Variants in TLE2 observed in about 807,000 individuals in gnomAD.
The protein encoded by TLE2 is TLE family member 2, transcriptional corepressor, also known as transducin-like enhancer protein 2.
TLE2 carries 74 observed loss-of-function variants against 97.2 expected under a neutral mutation model. That is an observed-to-expected ratio of 0.76 (90% CI 0.63 to 0.92). TLE2 has a LOEUF of 0.92. Ranked by LOEUF, TLE2 falls within the 40% of genes least tolerant of loss-of-function variation. The pLI is 0.00. For missense variants in TLE2, 1,038 were observed against 1,008.7 expected, an observed-to-expected ratio of 1.03 and a Z score of -0.39; for synonymous variants, 499 against 432.1, an observed-to-expected ratio of 1.15 and a Z score of -1.92.
At chr19:2,998,279 T>A (rs1351880402) in intron 19 of TLE2, among the ~76,000 whole-genome samples, 2 of 24,850 alleles carry the variant, frequency 8.0e-5, no homozygotes, top group African/African-American at 2.0e-4. Flanking sequence ...GTGTGTGTAA[T>A]TTTTTTTTTT....
rs1018675992 is a variant in TLE2 at position 3,015,633 on chromosome 19, C to T, written c.678+20G>A. On this transcript the variant is annotated intron_variant, in intron 9 of 19. Transcript: ENST00000262953. ...TGGGCCATGCACGCCCATCCCAGTCCTGCACCTGCCCCCACTCACATAAGG... is the reference window on the plus strand; with the variant it reads ...TGGGCCATGCACGCCCATCCCAGTCTTGCACCTGCCCCCACTCACATAAGG... 6.3e-7 allele frequency: 1 copy of T among 1,581,320 alleles called. No homozygotes were observed. The highest frequency in any genetic ancestry group is 1.1e-5 in the South Asian group (1 of 87,506).
chr19:3,029,628 T>TG, upstream of TLE2: 1 of 235,486 alleles, frequency 4.2e-6, no homozygotes, highest in Non-Finnish European at 6.8e-6. Context: ...CAAGTGACAT[T>TG]GGGTTGAGAT....
At chr19:3,037,210 G>C (rs2090069387) in intron 1 of TLE2, among the ~76,000 whole-genome samples, 3 of 152,158 alleles carry the variant, frequency 2.0e-5, no homozygotes. Context: ...GCTTGAACCT[G>C]GGATGCAGAG....
At chr19:3,012,780 C>A (rs144177563) in intron 11 of TLE2, among the ~76,000 whole-genome samples, 156 of 152,314 alleles carry the variant, frequency 1.0e-3, no homozygotes, top group African/African-American at 3.6e-3. Flanking sequence ...GCCTCCCCTG[C>A]CTCCCAAGAA....
upstream of TLE2, chr19:3,029,564 G>A (rs1337468696): frequency 5.0e-6 from 4 of 801,472 alleles, no homozygotes; most frequent in Admixed American, 6.3e-5. Context: ...GGAGCGGGGG[G>A]GGGGGCTTGC....
chr19:3,025,964 AC>A (rs2089936397), intron 4 of TLE2, among the ~76,000 whole-genome samples: 1 of 147,566 alleles, frequency 6.8e-6, no homozygotes, highest in Admixed American at 6.7e-5. Flanking sequence ...CTCCCAGCCC[AC>A]CCCCTTCTCC....
intron 19 of TLE2, among the ~76,000 whole-genome samples, chr19:3,000,268 G>C (rs1258372425): frequency 1.3e-5 from 2 of 151,376 alleles, no homozygotes; most frequent in African/African-American, 4.8e-5. Context: ...GTAGAGACGG[G>C]TTTTCACCAT....
chr19:3,032,797 A>C (rs1305049511), upstream of TLE2, among the ~76,000 whole-genome samples: 1 of 152,042 alleles, frequency 6.6e-6, no homozygotes, highest in African/African-American at 2.4e-5. The surrounding 1 kb of genome is among the most constrained non-coding windows in gnomAD (Gnocchi z 4.1). Context: ...GGGTCTGTGA[A>C]GTGCTGATTC....
chr19:3,002,716 T>C (rs1320492185), intron 17 of TLE2, among the ~76,000 whole-genome samples: 1 of 151,794 alleles, frequency 6.6e-6, no homozygotes, highest in Non-Finnish European at 1.5e-5. Context: ...TTTTTTTTTT[T>C]GAGACAGAGT....
chr19:3,032,140 C>T (rs1022713838), upstream of TLE2, among the ~76,000 whole-genome samples: 2 of 152,092 alleles, frequency 1.3e-5, no homozygotes, highest in African/African-American at 2.4e-5. This position sits in a 1 kb window ranked among gnomAD's most constrained non-coding sequence, Gnocchi z 4.1. Flanking sequence ...CCATGTTGGC[C>T]GGGCTGGTCT....
chr19:2,999,086 A>G (rs994530887), intron 19 of TLE2, among the ~76,000 whole-genome samples: 4 of 152,152 alleles, frequency 2.6e-5, no homozygotes, highest in Non-Finnish European at 5.9e-5. Context: ...GTTCCAGACC[A>G]GACTGGCCAA....
In TLE2 at chr19:3,015,498, C is replaced by T. The variant is rs76047628; in HGVS notation, c.678+155G>A. On this transcript the variant is annotated intron_variant, in intron 9 of 19. Transcript: ENST00000262953. ...GGAGTTAAGCCTTGCATTACAGGAT[C>T]TCCTCTGATTGGTCAGTACTCTGAG... 5.3e-5 allele frequency among the ~76,000 whole-genome samples: 8 copies of T among 152,352 alleles called. No individual in the cohort carries two copies. The East Asian group carries it at 1.5e-3, about 29-fold the overall frequency.
intron 17 of TLE2, among the ~76,000 whole-genome samples, chr19:3,002,860 G>A (rs961420551): frequency 3.3e-5 from 5 of 152,074 alleles, no homozygotes; most frequent in Non-Finnish European, 7.4e-5. Context: ...TAGTACGCCC[G>A]GGTAATTTTT....
At chr19:3,001,781 TC>T (rs1292964706) in intron 18 of TLE2, among the ~76,000 whole-genome samples, 1 of 142,242 alleles carries the variant, frequency 7.0e-6, no homozygotes, top group Non-Finnish European at 1.5e-5. Context: ...GGCTTAAATT[TC>T]TTTTCTTTCT....
chr19:3,008,124 T>C (rs944886768), intron 14 of TLE2, among the ~76,000 whole-genome samples: 2 of 152,108 alleles, frequency 1.3e-5, no homozygotes, highest in African/African-American at 2.4e-5. Flanking sequence ...AGCTCCTCAG[T>C]TGCACTGACC....
intron 12 of TLE2, 125 bp from the exon 13 acceptor site, chr19:3,009,827 C>T: frequency 8.6e-7 from 1 of 1,158,128 alleles, no homozygotes; most frequent in Non-Finnish European, 1.2e-6. Flanking sequence ...TGGCCATAGC[C>T]TGGGACACCT....
At chr19:3,045,829 A>G (rs1412495640), upstream of TLE2, 1 of 378,752 alleles carries the variant, frequency 2.6e-6, no homozygotes, top group Non-Finnish European at 5.5e-6. Flanking sequence ...CTCTGTCTCA[A>G]AAAACAACCA....
chr19:3,008,421 G>C (rs1452195590), intron 14 of TLE2, among the ~76,000 whole-genome samples: 2 of 152,060 alleles, frequency 1.3e-5, no homozygotes, highest in Admixed American at 6.6e-5. Flanking sequence ...GTGGAACTCT[G>C]AGTAGCTTAT....
At chr19:3,000,936 C>A (rs2145108908) in intron 18 of TLE2, among the ~76,000 whole-genome samples, 1 of 151,720 alleles carries the variant, frequency 6.6e-6, no homozygotes, top group South Asian at 2.1e-4. Flanking sequence ...AGCGCTCCTC[C>A]CAAGCAGCTG....
Sources: gnomAD v4.1 joint callset for allele counts (sites outside exome capture counted in the v4.1 genomes callset) on GRCh38, gnomAD v4.1.1 for gene constraint, Gnocchi (gnomAD v3.1) non-coding constraint, MANE v1.5 for transcripts, NCBI Gene and HGNC (gene_info 2026-07-23, HGNC 2026-07-21) for gene names.